The following DACH2 variants were observed in gnomAD, a reference collection of about 807,000 sequenced individuals.
DACH2 encodes the protein dachshund family transcription factor 2.
In DACH2, 17 loss-of-function variants were observed where a neutral mutation model predicts 35.8. The observed-to-expected ratio is 0.48, with a 90% CI of 0.33 to 0.71. The LOEUF (loss-of-function observed/expected upper bound fraction) is 0.71, where lower values mean the gene tolerates loss of function less well. Ranked by LOEUF, DACH2 falls within the 30% of genes least tolerant of loss-of-function variation. DACH2 has a pLI of 0.02. For synonymous variants in DACH2, 195 were observed against 177.3 expected (o/e 1.10, Z -0.79); for missense variants, 469 against 472.7 (o/e 0.99, Z 0.07).
At chrX:86,680,789 T>A (rs1009724603) in intron 4 of DACH2, among the ~76,000 whole-genome samples, 1 of 108,687 alleles carries the variant, frequency 9.2e-6, no homozygotes, top group African/African-American at 3.4e-5. Flanking sequence ...AGACTACAGA[T>A]GCATACCACA....
At chrX:86,828,198 G>T in intron 11 of DACH2, 1 of 126,563 alleles carries the variant, frequency 7.9e-6, no homozygotes. Flanking sequence ...CAATTACTGT[G>T]AAATAACTTC....
chrX:86,826,128 C>T (rs933897040), intron 11 of DACH2, among the ~76,000 whole-genome samples: 1 of 111,224 alleles, frequency 9.0e-6, no homozygotes, highest in African/African-American at 3.3e-5. Flanking sequence ...AAAGAGTGTG[C>T]TCTCCCATAG....
intron 1 of DACH2, among the ~76,000 whole-genome samples, chrX:86,183,189 C>T (rs1416287685): frequency 8.9e-5 from 10 of 111,797 alleles, no homozygotes; most frequent in Non-Finnish European, 1.7e-4. Flanking sequence ...TGCCTGATTG[C>T]CCTGGCCACA....
intron 6 of DACH2, among the ~76,000 whole-genome samples, chrX:86,727,780 G>A (rs779648499): frequency 1.8e-5 from 2 of 111,952 alleles, no homozygotes; most frequent in South Asian, 3.7e-4. Context: ...CAAAGCAGAT[G>A]CCAGTGATAT....
At chrX:86,677,637 G>A (rs1481439757) in intron 4 of DACH2, among the ~76,000 whole-genome samples, 1 of 112,189 alleles carries the variant, frequency 8.9e-6, no homozygotes, top group African/African-American at 3.2e-5. Flanking sequence ...AAGAGACTGT[G>A]TGAGAAACAA....
intron 1 of DACH2, among the ~76,000 whole-genome samples, chrX:86,241,373 T>C (rs2033162879): frequency 8.9e-6 from 1 of 111,755 alleles, no homozygotes; most frequent in Non-Finnish European, 1.9e-5. Flanking sequence ...GTTTGGAACT[T>C]TGAACTTGAG....
chrX:86,185,976 T>C (rs1421924267), intron 1 of DACH2, among the ~76,000 whole-genome samples: 3 of 112,391 alleles, frequency 2.7e-5, no homozygotes, highest in Non-Finnish European at 1.9e-5. Context: ...CATTGCTCAA[T>C]TTAGTCCTCA....
chrX:86,591,737 C>A (rs1204554029), intron 3 of DACH2, among the ~76,000 whole-genome samples: 1 of 109,832 alleles, frequency 9.1e-6, no homozygotes, highest in Non-Finnish European at 1.9e-5. Context: ...GGAGTTTCAC[C>A]ATATTGGCCA....
At chrX:86,398,367 G>T (rs1365876986) in intron 2 of DACH2, among the ~76,000 whole-genome samples, 1 of 112,208 alleles carries the variant, frequency 8.9e-6, no homozygotes, top group Admixed American at 9.4e-5. Flanking sequence ...TTTTTGAAGG[G>T]TTTTTTTGTG....
At chrX:86,379,328 CTGTT>C (rs200241467) in intron 2 of DACH2, among the ~76,000 whole-genome samples, 1,695 of 110,928 alleles carry the variant, frequency 0.015, 30 homozygotes, top group African/African-American at 0.053. Flanking sequence ...TAAAAGGTAA[CTGTT>C]TGACTGATCT....
chrX:86,400,707 C>T (rs777637788), intron 2 of DACH2, among the ~76,000 whole-genome samples: 2 of 111,465 alleles, frequency 1.8e-5, no homozygotes, highest in African/African-American at 3.3e-5. Flanking sequence ...ATTGGTGAAC[C>T]GCAAATGCTG....
chrX:86,461,797 C>A (rs191338126), intron 2 of DACH2, among the ~76,000 whole-genome samples: 1 of 111,538 alleles, frequency 9.0e-6, no homozygotes, highest in Non-Finnish European at 1.9e-5. Flanking sequence ...TTATTCTTTG[C>A]TTTCTGATAT....
intron 3 of DACH2, among the ~76,000 whole-genome samples, chrX:86,638,585 C>G (rs1171389822): frequency 9.0e-6 from 1 of 111,327 alleles, no homozygotes; most frequent in African/African-American, 3.3e-5. Context: ...ACCCCATTAA[C>G]AAGCAGGTAA....
chrX:86,537,570 A>G (rs1027324289), intron 3 of DACH2, among the ~76,000 whole-genome samples: 5 of 112,077 alleles, frequency 4.5e-5, no homozygotes, highest in Non-Finnish European at 7.5e-5. Flanking sequence ...TTTCCTTTTA[A>G]TTATAAATTC....
intron 1 of DACH2, among the ~76,000 whole-genome samples, chrX:86,271,846 T>C (rs1286327208): frequency 2.7e-5 from 3 of 111,666 alleles, no homozygotes; most frequent in Non-Finnish European, 5.7e-5. Context: ...TTTTGATTTG[T>C]ACAAATTTGT....
chrX:86,295,126 C>T (rs771283765), intron 1 of DACH2, among the ~76,000 whole-genome samples: 5 of 111,643 alleles, frequency 4.5e-5, no homozygotes, highest in Admixed American at 1.9e-4. Context: ...TCTGATGCCC[C>T]GTTTTTTAAG....
intron 7 of DACH2, among the ~76,000 whole-genome samples, chrX:86,740,245 G>C (rs1401775675): frequency 9.0e-6 from 1 of 111,046 alleles, no homozygotes; most frequent in Non-Finnish European, 1.9e-5. Context: ...GCCCATTTAA[G>C]AGTGATTAAA....
At chrX:86,242,984 C>G (rs2033199832) in intron 1 of DACH2, among the ~76,000 whole-genome samples, 1 of 111,646 alleles carries the variant, frequency 9.0e-6, no homozygotes, top group Non-Finnish European at 1.9e-5. Flanking sequence ...AACCTCTTGT[C>G]TTTATCAATT....
intron 11 of DACH2, among the ~76,000 whole-genome samples, chrX:86,823,341 C>T (rs1272569869): frequency 8.9e-6 from 1 of 112,019 alleles, no homozygotes; most frequent in African/African-American, 3.2e-5. Flanking sequence ...GTAACATTAC[C>T]TTTTGGAAAT....
Sources: gnomAD v4.1 joint callset for allele counts (sites outside exome capture counted in the v4.1 genomes callset) on GRCh38, gnomAD v4.1.1 for gene constraint, MANE v1.5 for transcripts, NCBI Gene and HGNC (gene_info 2026-07-23, HGNC 2026-07-21) for gene names.